Variants in PDE4A observed in about 807,000 individuals in gnomAD.
The protein encoded by PDE4A is phosphodiesterase 4A.
In PDE4A, 21 loss-of-function variants were observed where a neutral mutation model predicts 73.9. That is an observed-to-expected ratio of 0.28 (90% confidence interval 0.20 to 0.41). The LOEUF (loss-of-function observed/expected upper bound fraction) is 0.41. Among genes scored for constraint, PDE4A ranks in the 10% least tolerant of loss-of-function variants. PDE4A has a pLI of 1.00. For synonymous variants in PDE4A, 463 were observed against 505.4 expected, an observed-to-expected ratio of 0.92 and a Z score of 1.13; for missense variants, 958 against 1,211.4, an observed-to-expected ratio of 0.79 and a Z score of 3.10.
rs1282498196 is a variant in PDE4A at position 10,420,764 on chromosome 19, C to T, written c.-1C>T. ...CTGGGGCGCAAGTGGGGGCCGGCGC[C>T]ATGGAACCCCCGACCGTCCCCTCGG... On this transcript the variant is annotated 5_prime_UTR_variant, in exon 1 of 15. Coordinates refer to ENST00000380702, the MANE Select transcript of PDE4A (RefSeq NM_001111307.2). The surrounding 1 kb of genome is among the most constrained non-coding windows in gnomAD (Gnocchi z 6.0). 1 of 1,560,314 alleles carries T rather than the reference C, an allele frequency of 6.4e-7. No individual in the cohort carries two copies. The highest frequency in any genetic ancestry group is 1.4e-5 in the African/African-American group (1 of 71,044).
upstream of PDE4A, chr19:10,420,485 G>A (rs2042634185): frequency 2.3e-6 from 2 of 864,362 alleles, no homozygotes; most frequent in South Asian, 5.3e-5. This position sits in a 1 kb window ranked among gnomAD's most constrained non-coding sequence, Gnocchi z 6.0. Flanking sequence ...ACGGGGCGGA[G>A]GAGCCGGGGC....
Position 10,424,564 on chromosome 19 carries a change from C to T in PDE4A, c.320+3480C>T, listed in dbSNP as rs894637771. On this transcript the variant is annotated intron_variant, in intron 1 of 14. Coordinates refer to ENST00000380702, the MANE Select transcript of PDE4A (RefSeq NM_001111307.2). The surrounding 1 kb of genome is among the most constrained non-coding windows in gnomAD (Gnocchi z 4.8). ...TCCAGGGACGCCGCCAGTCCCGGAG[C>T]AAAGCAAAGTCGCCGCCACCGTCGC... 6.6e-6 allele frequency among the ~76,000 whole-genome samples: 1 copy of T among 152,236 alleles called. No homozygotes were observed. The highest frequency in any genetic ancestry group is 2.4e-5 in the African/African-American group (1 of 41,464).
chr19:10,452,865 A>AC, intron 6 of PDE4A: 2 of 243,730 alleles, frequency 8.2e-6, no homozygotes, highest in Non-Finnish European at 1.3e-5. Context: ...CCCCTTTAAT[A>AC]CCCCCCCACC....
At chr19:10,463,764 A>T (rs1352899024) in intron 13 of PDE4A, 29 bp from the exon 14 acceptor site, 1 of 1,611,792 alleles carries the variant, frequency 6.2e-7, no homozygotes, top group East Asian at 2.2e-5. Context: ...TAGCCTCTGA[A>T]GTTTCCCCTG....
chr19:10,466,033 C>T (rs1281451867), intron 14 of PDE4A, among the ~76,000 whole-genome samples: 17 of 144,392 alleles, frequency 1.2e-4, no homozygotes, highest in African/African-American at 3.8e-4. Flanking sequence ...GACGGAGTCT[C>T]GCTCTGATGC....
At position 10,450,609 on chromosome 19, in the gene PDE4A, C is replaced by T. The variant is rs371354398; in HGVS notation, c.627C>T (p.Ser209=). The T allele has an allele frequency of 1.2e-6, 2 of 1,608,082 alleles. No individual in the cohort carries two copies. The highest frequency in any genetic ancestry group is 1.7e-6 in the Non-Finnish European group (2 of 1,177,886). ...TNVPVPSNKR[S]PLGGPTPVCK... ...CATTTTTTTTTTTCTGCAGGCGGTCCCCGCTGGGCGGCCCCACCCCTGTCT... is the reference window on the plus strand; with the variant it reads ...CATTTTTTTTTTTCTGCAGGCGGTCTCCGCTGGGCGGCCCCACCCCTGTCT... Residue 209 remains serine, a synonymous_variant, in exon 5 of 15, where the codon TCC becomes TCT. Transcript: ENST00000380702.
At chr19:10,427,787 G>A in intron 1 of PDE4A, 2 of 984,348 alleles carry the variant, frequency 2.0e-6, no homozygotes, top group Non-Finnish European at 2.4e-6. Context: ...CTGACGAACT[G>A]GCAAAACAAT....
Position 10,468,736 on chromosome 19 carries a change from C to T in PDE4A, c.*1115C>T, listed in dbSNP as rs1426517846. 2 of 152,804 alleles carry T rather than the reference C, an allele frequency of 1.3e-5. No homozygotes were observed. 9.5% of individuals were successfully genotyped at this position (152,804 alleles called of 1,614,324 possible). ...AATGGTGTATACCCTCATTCTCATT[C>T]CTGGGCAGCCCTTCCTTCCACCCTG... On this transcript the variant is annotated 3_prime_UTR_variant, in exon 15 of 15. Coordinates refer to ENST00000380702, the MANE Select transcript of PDE4A (RefSeq NM_001111307.2).
intron 6 of PDE4A, chr19:10,454,621 A>C (rs1422003135): frequency 6.5e-6 from 2 of 308,084 alleles, no homozygotes; most frequent in Admixed American, 6.5e-5. Context: ...GCTGACCATG[A>C]CTCCCCAAAC....
intron 6 of PDE4A, among the ~76,000 whole-genome samples, chr19:10,451,263 G>A (rs2043087257): frequency 6.6e-6 from 1 of 152,238 alleles, no homozygotes; most frequent in South Asian, 2.1e-4. Context: ...CCCTGGGTGG[G>A]GCCAACCCCT....
chr19:10,435,941 C>T (rs2042859655), intron 1 of PDE4A, among the ~76,000 whole-genome samples: 1 of 152,170 alleles, frequency 6.6e-6, no homozygotes. Flanking sequence ...GCCCAGGGGA[C>T]ATCGGGTCTT....
chr19:10,443,477 G>A (rs1465226476), intron 1 of PDE4A, among the ~76,000 whole-genome samples: 1 of 150,986 alleles, frequency 6.6e-6, no homozygotes, highest in Non-Finnish European at 1.5e-5. Flanking sequence ...CCAGGGAGGT[G>A]GAGGTTGCAT....
intron 10 of PDE4A, 131 bp from the exon 11 acceptor site, chr19:10,460,873 C>A: frequency 1.1e-6 from 1 of 876,682 alleles, no homozygotes; most frequent in Non-Finnish European, 1.6e-6. Context: ...TGGCCTCGAA[C>A]TTCTGGCCTT....
chr19:10,432,488 GC>G lies in PDE4A; in HGVS notation c.320+11410del, dbSNP rs892024340. The G allele has an allele frequency of 1.3e-5, 20 of 1,512,496 alleles. No homozygotes were observed. In the Admixed American group the frequency reaches 2.8e-4, roughly 22 times the overall value. The allele number at this position is 1,512,496 out of a possible 1,614,324, so 93.7% of individuals were successfully genotyped here. ...GGCCCCGGCCCCCTGCCCTGGCACT[GC>G]CCCCCACGGGCCCCGAGTCCCTGAC... On this transcript the variant is annotated intron_variant, in intron 1 of 14. Transcript: ENST00000380702.
chr19:10,421,434 G>T, intron 1 of PDE4A: 7 of 698,342 alleles, frequency 1.0e-5, no homozygotes, highest in Non-Finnish European at 1.2e-5. Context: ...CTTCCTGGGG[G>T]CACTATACTG....
intron 14 of PDE4A, among the ~76,000 whole-genome samples, chr19:10,466,351 A>G (rs901830842): frequency 2.1e-5 from 3 of 144,078 alleles, no homozygotes; most frequent in Non-Finnish European, 3.0e-5. Context: ...AGGCTGAGGC[A>G]GGAGAATGGC....
At chr19:10,428,854 T>A (rs554237192) in intron 1 of PDE4A, 1 of 985,396 alleles carries the variant, frequency 1.0e-6, no homozygotes, top group South Asian at 4.7e-5. Flanking sequence ...GATTCACTGT[T>A]GGGCGCAGTG....
chr19:10,438,685 GCAACCTC>G, intron 1 of PDE4A, among the ~76,000 whole-genome samples: 1 of 152,166 alleles, frequency 6.6e-6, no homozygotes, highest in South Asian at 2.1e-4. Context: ...TCGGCTCACT[GCAACCTC>G]CACCTCCCAG....
Position 10,453,387 on chromosome 19 carries a change from T to C in PDE4A, c.784-1442T>C. 9 of 1,568,960 alleles carry C rather than the reference T, an allele frequency of 5.7e-6. No individual in the cohort carries two copies. The highest frequency in any genetic ancestry group is 7.8e-6 in the Non-Finnish European group (9 of 1,159,366). Reference sequence around the variant, plus strand: ...ATCCTGGTGAGCTGGGCCCCCGGTGTGGGCTTGTGTGTGCAGCTGTGCACG... The same window carrying C: ...ATCCTGGTGAGCTGGGCCCCCGGTGCGGGCTTGTGTGTGCAGCTGTGCACG... On this transcript the variant is annotated intron_variant, in intron 6 of 14. Transcript: ENST00000380702. This position sits in a 1 kb window ranked among gnomAD's most constrained non-coding sequence, Gnocchi z 4.6.
Sources: gnomAD v4.1 joint callset for allele counts (sites outside exome capture counted in the v4.1 genomes callset) on GRCh38, gnomAD v4.1.1 for gene constraint, Gnocchi (gnomAD v3.1) non-coding constraint, MANE v1.5 for transcripts, NCBI Gene and HGNC (gene_info 2026-07-23, HGNC 2026-07-21) for gene names.